The following ELP2 variants were observed in gnomAD, a reference collection of about 807,000 sequenced individuals.
The protein encoded by ELP2 is elongator complex protein 2.
A neutral mutation model predicts 119.2 loss-of-function variants in ELP2; 90 were observed. The ratio of observed to expected loss-of-function variants is 0.75; its 90% confidence interval spans 0.64 to 0.90. ELP2 has a LOEUF of 0.90. Among genes scored for constraint, ELP2 ranks in the 40% least tolerant of loss-of-function variants. The probability of loss-of-function intolerance (pLI) is 0.00; values close to 1 mark genes in which losing one functional copy is unlikely to be tolerated. For missense variants in ELP2, 921 were observed against 967.8 expected, an observed-to-expected ratio of 0.95 and a Z score of 0.64; for synonymous variants, 339 against 331.0, an observed-to-expected ratio of 1.02 and a Z score of -0.26.
intron 11 of ELP2, among the ~76,000 whole-genome samples, chr18:36,153,505 C>T (rs1259017828): frequency 6.6e-6 from 1 of 152,134 alleles, no homozygotes; most frequent in Non-Finnish European, 1.5e-5. Flanking sequence ...CACCAAGCAG[C>T]AGACACCAGC....
At chr18:36,153,858 C>G (rs1366753516) in intron 11 of ELP2, among the ~76,000 whole-genome samples, 2 of 151,626 alleles carry the variant, frequency 1.3e-5, no homozygotes, top group East Asian at 3.9e-4. Context: ...CCTCTACCCC[C>G]ACACATCAAC....
intron 11 of ELP2, among the ~76,000 whole-genome samples, chr18:36,149,995 G>T (rs2090347136): frequency 6.6e-6 from 1 of 152,162 alleles, no homozygotes; most frequent in African/African-American, 2.4e-5. Flanking sequence ...AATATCTTCT[G>T]TTCTGGTTTT....
rs780825398 is a variant in ELP2, at chr18:36,170,117, G to T, written c.2131G>T (p.Gly711Cys). ...STDDCIEHNIGPCSSVLDVGG... is the reference protein window; with the variant it reads ...STDDCIEHNICPCSSVLDVGG... ...TGATGACTGTATTGAGCACAACATT[G>T]GCCCCTGCTCCTCAGTCCTGGACGT... Residue 711 changes from glycine to cysteine, a missense_variant, in exon 20 of 22, where the codon GGC becomes TGC. Physicochemically the swap from Gly to Cys is radical, Grantham distance 159 (BLOSUM62 -3). Coordinates refer to ENST00000358232, the MANE Select transcript of ELP2 (RefSeq NM_018255.4). 1.5e-5 allele frequency: 25 copies of T among 1,613,944 alleles called. No homozygotes were observed. The highest frequency in any genetic ancestry group is 1.6e-4 in the Middle Eastern group (1 of 6,084).
In ELP2 at chr18:36,174,930, T is replaced by TC. The variant is rs1359928745; in HGVS notation, c.*289_*290insC. On this transcript the variant is annotated 3_prime_UTR_variant, in exon 22 of 22. Coordinates refer to ENST00000358232, the MANE Select transcript of ELP2 (RefSeq NM_018255.4). ...CGGGTCTCAAACTCCTCGTCTCAGG[T>TC]GATCTGCTTGCCTCGGCCTCCCAAA... 37 of 356,878 alleles carry TC rather than the reference T, an allele frequency of 1.0e-4. No individual in the cohort carries two copies. Among genetic ancestry groups the TC allele is most frequent in the Non-Finnish European group, 2.0e-4 (37 of 188,062 alleles). 22.1% of individuals were successfully genotyped at this position (356,878 alleles called of 1,614,324 possible).
chr18:36,130,382 C>A (rs1294986825), intron 1 of ELP2, among the ~76,000 whole-genome samples: 1 of 152,184 alleles, frequency 6.6e-6, no homozygotes, highest in Non-Finnish European at 1.5e-5. Flanking sequence ...ACTGTAGTAC[C>A]GTTAATCAAT....
At position 36,179,829 on chromosome 18, in the gene ELP2, A is replaced by G. The variant is rs2091297816; in HGVS notation, c.*5188A>G. The G allele has an allele frequency of 6.6e-6, 1 of 152,156 alleles. No individual in the cohort carries two copies. Among genetic ancestry groups the G allele is most frequent in the African/African-American group, 2.4e-5 (1 of 41,430 alleles). The allele number at this position is 152,156 out of a possible 1,614,324, so 9.4% of individuals were successfully genotyped here. ...CCTGACCAAGTTCTAGGTATTTCAT[A>G]GGGCAGTCTAGGTGAGGGTTGGAAC... On this transcript the variant is annotated 3_prime_UTR_variant, in exon 22 of 22. Transcript: ENST00000358232.
chr18:36,131,370 A>G (rs1362342714), intron 1 of ELP2, among the ~76,000 whole-genome samples: 1 of 152,250 alleles, frequency 6.6e-6, no homozygotes, highest in Non-Finnish European at 1.5e-5. Context: ...CGACTGTAGA[A>G]TGGGAGAGAC....
intron 7 of ELP2, 126 bp downstream of exon 7, chr18:36,142,473 T>A: frequency 1.3e-6 from 1 of 790,866 alleles, no homozygotes; most frequent in Non-Finnish European, 2.2e-6. Context: ...TTGTCCCAAT[T>A]AGAAAGGAGG....
At position 36,176,383 on chromosome 18, in the gene ELP2, G is replaced by A. The variant is rs1292106121; in HGVS notation, c.*1742G>A. Reference sequence around the variant, plus strand: ...CCCATTTTCCTGCTTATCAGCTGAGGAATCTTTACCCACATTGACACATGG... The same window carrying A: ...CCCATTTTCCTGCTTATCAGCTGAGAAATCTTTACCCACATTGACACATGG... On this transcript the variant is annotated 3_prime_UTR_variant, in exon 22 of 22. Transcript: ENST00000358232. 6.6e-6 allele frequency: 1 copy of A among 152,212 alleles called. No individual in the cohort carries two copies. Among genetic ancestry groups the A allele is most frequent in the Non-Finnish European group, 1.5e-5 (1 of 68,060 alleles). The allele number at this position is 152,212 out of a possible 1,614,324, so 9.4% of individuals were successfully genotyped here. A position where few individuals can be genotyped will look rare whatever the true frequency, so the allele number is the denominator to read the frequency against.
At chr18:36,146,125 G>C in intron 10 of ELP2, 77 bp downstream of exon 10, 1 of 1,573,688 alleles carries the variant, frequency 6.4e-7, no homozygotes, top group South Asian at 1.1e-5. Flanking sequence ...TATATTGATA[G>C]ACCTGCAAAT....
intron 20 of ELP2, 90 bp from the exon 21 acceptor site, chr18:36,170,956 TG>T: frequency 1.1e-6 from 1 of 896,948 alleles, no homozygotes; most frequent in Non-Finnish European, 1.8e-6. Context: ...CAGGGACAGT[TG>T]GGACACTGTG....
chr18:36,130,211 G>A (rs56683107), intron 1 of ELP2, 140 bp downstream of exon 1: 75,619 of 1,068,284 alleles, frequency 0.071, 3,111 homozygotes, highest in East Asian at 0.15. Context: ...TGGGCTCGGA[G>A]TCTCCAGTGG....
In ELP2 at chr18:36,168,063, C is replaced by T. The variant is rs539177266; in HGVS notation, c.2076+841C>T. The stretch of plus-strand genomic sequence containing the variant: ...CTGGTCTTTCCTTTGTTTTCATACT[C>T]TTTAAAATATCCTTTTGTTCCTACA... On this transcript the variant is annotated intron_variant, in intron 19 of 21. Coordinates refer to ENST00000358232, the MANE Select transcript of ELP2 (RefSeq NM_018255.4). Among the ~76,000 whole-genome samples, 4 of 152,304 alleles carry T rather than the reference C, an allele frequency of 2.6e-5. No individual in the cohort carries two copies. In the East Asian group the frequency reaches 5.8e-4, roughly 22 times the overall value.
In ELP2 at chr18:36,154,953, A is replaced by G. The variant is rs769243313; in HGVS notation, c.1229A>G (p.Gln410Arg). 7.4e-6 allele frequency: 12 copies of G among 1,613,934 alleles called. No homozygotes were observed. The East Asian group carries it at 8.9e-5, about 12-fold the overall frequency. ...TTTATTATCACTGTTGGTACTGATC[A>G]GACAACTAGACTTTTTGCTCCATGG... The part of the protein sequence containing the change: ...GEFIITVGTD[Q>R]TTRLFAPWKR... Residue 410 changes from glutamine to arginine, a missense_variant, in exon 12 of 22, where the codon CAG becomes CGG. Coordinates refer to ENST00000358232, the MANE Select transcript of ELP2 (RefSeq NM_018255.4).
At chr18:36,156,150 G>A (rs2090565828) in intron 12 of ELP2, among the ~76,000 whole-genome samples, 1 of 152,202 alleles carries the variant, frequency 6.6e-6, no homozygotes, top group Admixed American at 6.5e-5. Context: ...CTGACTGTGG[G>A]TCAGTCCGTA....
At chr18:36,142,462 A>G (rs1789549) in intron 7 of ELP2, 115 bp downstream of exon 7, 305,381 of 859,064 alleles carry the variant, frequency 0.36, 55,596 homozygotes, top group Admixed American at 0.39. Flanking sequence ...ATGTTTTTCT[A>G]TTGTCCCAAT....
chr18:36,134,775 GC>G (rs373404532), intron 2 of ELP2, among the ~76,000 whole-genome samples: 2 of 152,072 alleles, frequency 1.3e-5, no homozygotes, highest in African/African-American at 4.8e-5. Context: ...AATATTAGTT[GC>G]CTTTAGATGG....
chr18:36,146,450 G>C, intron 11 of ELP2, 69 bp downstream of exon 11: 1 of 1,542,200 alleles, frequency 6.5e-7, no homozygotes, highest in Non-Finnish European at 8.9e-7. Context: ...ATAGTATTTT[G>C]CTTATAACAC....
intron 11 of ELP2, among the ~76,000 whole-genome samples, chr18:36,151,169 T>G (rs1160254369): frequency 1.9e-4 from 29 of 151,504 alleles, no homozygotes; most frequent in Non-Finnish European, 1.5e-5. Context: ...ACTGCAGTCT[T>G]GACCTCCTGG....
Sources: allele counts gnomAD v4.1 joint callset (sites outside exome capture counted in the v4.1 genomes callset), GRCh38; gene constraint gnomAD v4.1.1; transcripts MANE v1.5; gene names NCBI Gene and HGNC (gene_info 2026-07-23, HGNC 2026-07-21).